RNF157: variants seen among roughly 807,000 people sequenced by gnomAD.
RNF157 encodes ring finger protein 157.
A neutral mutation model predicts 88.3 loss-of-function variants in RNF157; 55 were observed. That is an observed-to-expected ratio of 0.62 (90% CI 0.50 to 0.78). The LOEUF is 0.78. RNF157 is among the 30% of genes least tolerant of loss of function. RNF157 has a pLI of 0.00. For synonymous variants in RNF157, 334 were observed against 341.2 expected (o/e 0.98, Z 0.23); for missense variants, 788 against 860.8 (o/e 0.92, Z 1.06).
Position 76,240,292 on chromosome 17 carries a change from G to C in RNF157, c.-52C>G, listed in dbSNP as rs984868965. 4 of 911,998 alleles carry C rather than the reference G, an allele frequency of 4.4e-6. No individual in the cohort carries two copies. The African/African-American group carries it at 7.2e-5, about 17-fold the overall frequency. 56.5% of individuals were successfully genotyped at this position (911,998 alleles called of 1,614,324 possible). ...GGCCCCGGTGCCCGCGCCGCCCTCC[G>C]CGCTTCACCGCGGCCGCCCGCCCCG... On this transcript the variant is annotated 5_prime_UTR_variant, in exon 1 of 19. Coordinates refer to ENST00000269391, the MANE Select transcript of RNF157 (RefSeq NM_052916.3). This position sits in a 1 kb window ranked among gnomAD's most constrained non-coding sequence, Gnocchi z 4.4.
intron 2 of RNF157, among the ~76,000 whole-genome samples, chr17:76,205,644 G>C (rs888669145): frequency 1.1e-4 from 17 of 151,984 alleles, no homozygotes; most frequent in Non-Finnish European, 1.5e-4. Flanking sequence ...AGAATTGCTT[G>C]AACCTGGGAA....
intron 1 of RNF157, among the ~76,000 whole-genome samples, chr17:76,230,872 G>C (rs2070177914): frequency 9.2e-6 from 1 of 108,494 alleles, no homozygotes; most frequent in Admixed American, 1.0e-4. Flanking sequence ...GAGAGAGAGA[G>C]AGAGAGAAAG....
intron 8 of RNF157, 123 bp downstream of exon 8, chr17:76,164,623 AAG>A: frequency 1.9e-6 from 1 of 527,410 alleles, no homozygotes; most frequent in Non-Finnish European, 3.2e-6. Context: ...AAAAAAAAAA[AAG>A]AGGAAAAGGA....
chr17:76,226,019 G>A, intron 1 of RNF157: 1 of 1,611,338 alleles, frequency 6.2e-7, no homozygotes, highest in Non-Finnish European at 8.5e-7. Flanking sequence ...CTCTCCAGGA[G>A]GATCGTAAGG....
In RNF157 at chr17:76,164,768, G is replaced by T; in HGVS notation, c.700C>A (p.Pro234Thr). Reference sequence around the variant, plus strand: ...CTTACTACTTGTTTCTGTTTGAGGGGCTTGACACAGAAAGTTCCATCTGTG... The same window carrying T: ...CTTACTACTTGTTTCTGTTTGAGGGTCTTGACACAGAAAGTTCCATCTGTG... Reference protein sequence around the residue: ...KHTDGTFCVKPLKQKQVVDGV... With the variant: ...KHTDGTFCVKTLKQKQVVDGV... The change falls in exon 8 of 19, where the codon CCC becomes ACC. Residue 234 changes from proline to threonine, a missense_variant. Physicochemically the swap from Pro to Thr is conservative, Grantham distance 38. Coordinates refer to ENST00000269391, the MANE Select transcript of RNF157 (RefSeq NM_052916.3). 6.2e-7 allele frequency: 1 copy of T among 1,610,986 alleles called. No homozygotes were observed. Among genetic ancestry groups the T allele is most frequent in the South Asian group, 1.1e-5 (1 of 90,944 alleles).
At chr17:76,164,971 GAGAA>G (rs2068900019) in intron 7 of RNF157, among the ~76,000 whole-genome samples, 176 bp from the exon 8 acceptor site, 1 of 152,228 alleles carries the variant, frequency 6.6e-6, no homozygotes, top group East Asian at 1.9e-4. Flanking sequence ...TATTTTGAGA[GAGAA>G]AGATCACATT....
At chr17:76,183,849 T>C (rs2069237442) in intron 2 of RNF157, among the ~76,000 whole-genome samples, 1 of 151,990 alleles carries the variant, frequency 6.6e-6, no homozygotes, top group African/African-American at 2.4e-5. Context: ...ATACCAAAAA[T>C]ATGCTTCCAA....
intron 2 of RNF157, among the ~76,000 whole-genome samples, chr17:76,174,630 G>A (rs2069074628): frequency 6.6e-6 from 1 of 152,190 alleles, no homozygotes; most frequent in Admixed American, 6.5e-5. Context: ...GCAAAACTGT[G>A]GTTCTCTTGG....
chr17:76,216,615 T>C (rs972705861), intron 1 of RNF157, among the ~76,000 whole-genome samples: 1 of 151,420 alleles, frequency 6.6e-6, no homozygotes, highest in Non-Finnish European at 1.5e-5. Context: ...AATAATACTA[T>C]GGTATATTCA....
chr17:76,161,778 T>C lies in RNF157; in HGVS notation c.952+65A>G. Reference sequence around the variant, plus strand: ...GATCCAGCAGCAGCACATGCTTCAGTGTTTTGTAAATGTCCTCTTGTCCCC... The same window carrying C: ...GATCCAGCAGCAGCACATGCTTCAGCGTTTTGTAAATGTCCTCTTGTCCCC... On this transcript the variant is annotated intron_variant, in intron 10 of 18. Transcript: ENST00000269391. This position sits in a 1 kb window ranked among gnomAD's most constrained non-coding sequence, Gnocchi z 4.6. The C allele has an allele frequency of 3.8e-6, 6 of 1,577,724 alleles. No homozygotes were observed. Among genetic ancestry groups the C allele is most frequent in the Non-Finnish European group, 4.3e-6 (5 of 1,153,454 alleles).
At position 76,172,448 on chromosome 17, in the gene RNF157, G is replaced by A. The variant is rs113532773; in HGVS notation, c.296+1254C>T. On this transcript the variant is annotated intron_variant, in intron 3 of 18. Transcript: ENST00000269391. ...CTCTACTAAAAACACAAAATTAACC[G>A]GGCGTGGTGATGCATGCCTGTAATC... 7.0e-3 allele frequency among the ~76,000 whole-genome samples: 1,055 copies of A among 151,756 alleles called. 9 individuals carry two copies. Among genetic ancestry groups the A allele is most frequent in the African/African-American group, 0.024 (975 of 41,336 alleles).
chr17:76,184,438 C>A (rs2069248315), intron 2 of RNF157, among the ~76,000 whole-genome samples: 1 of 152,090 alleles, frequency 6.6e-6, no homozygotes. Flanking sequence ...CATAACGTGT[C>A]CAAGGCTTAC....
intron 16 of RNF157, chr17:76,154,617 G>T: frequency 3.0e-6 from 1 of 328,238 alleles, no homozygotes; most frequent in Non-Finnish European, 5.5e-6. Flanking sequence ...GTTTCTCTAA[G>T]GTGGAAGTAA....
intron 18 of RNF157, among the ~76,000 whole-genome samples, chr17:76,151,279 T>C (rs1431050968): frequency 1.3e-5 from 2 of 152,234 alleles, no homozygotes; most frequent in East Asian, 1.9e-4. Context: ...AGAAAGCCCT[T>C]TGAAGGGCTG....
intron 2 of RNF157, among the ~76,000 whole-genome samples, chr17:76,201,647 G>A (rs1458425036): frequency 6.6e-6 from 1 of 152,032 alleles, no homozygotes; most frequent in South Asian, 2.1e-4. Flanking sequence ...ATAAATATAT[G>A]TACATAATGC....
chr17:76,191,291 C>T (rs762792511), intron 2 of RNF157, among the ~76,000 whole-genome samples: 5 of 151,728 alleles, frequency 3.3e-5, no homozygotes, highest in Non-Finnish European at 4.4e-5. Context: ...GTTAGGGCAA[C>T]ATAGTGAGAC....
intron 2 of RNF157, among the ~76,000 whole-genome samples, chr17:76,179,893 G>C (rs907493819): frequency 6.6e-6 from 1 of 152,190 alleles, no homozygotes; most frequent in African/African-American, 2.4e-5. Flanking sequence ...CGTTTTCTCA[G>C]TTCATATCCA....
At chr17:76,222,635 T>C (rs895572419) in intron 1 of RNF157, among the ~76,000 whole-genome samples, 1 of 152,120 alleles carries the variant, frequency 6.6e-6, no homozygotes, top group Admixed American at 6.6e-5. Context: ...CATTTTTCAG[T>C]TGAGGAAACT....
At chr17:76,186,666 G>C (rs1003013634) in intron 2 of RNF157, among the ~76,000 whole-genome samples, 1 of 152,006 alleles carries the variant, frequency 6.6e-6, no homozygotes, top group Non-Finnish European at 1.5e-5. Context: ...GGCCGGGGGG[G>C]CAGTGGCTCA....
Sources: allele counts gnomAD v4.1 joint callset (sites outside exome capture counted in the v4.1 genomes callset), GRCh38; gene constraint gnomAD v4.1.1; non-coding constraint Gnocchi (gnomAD v3.1); transcripts MANE v1.5; gene names NCBI Gene and HGNC (gene_info 2026-07-23, HGNC 2026-07-21).